Variants in DLG2 observed in about 807,000 individuals in gnomAD.
DLG2 encodes the protein disks large homolog 2.
DLG2 carries 45 observed loss-of-function variants against 132.5 expected under a neutral mutation model. That is an observed-to-expected ratio of 0.34 (90% CI 0.27 to 0.44). The LOEUF (loss-of-function observed/expected upper bound fraction) is 0.44, where lower values mean the gene tolerates loss of function less well. DLG2 is among the 20% of genes least tolerant of loss of function. The pLI is 1.00. For synonymous variants in DLG2, 424 were observed against 419.6 expected, an observed-to-expected ratio of 1.01 and a Z score of -0.13; for missense variants, 1,045 against 1,196.9, an observed-to-expected ratio of 0.87 and a Z score of 1.87.
At chr11:84,769,953 A>G (rs562789745) in intron 6 of DLG2, among the ~76,000 whole-genome samples, 2 of 152,234 alleles carry the variant, frequency 1.3e-5, no homozygotes, top group Admixed American at 6.5e-5. Flanking sequence ...GAGTAACATT[A>G]TAAGAGATCT....
intron 7 of DLG2, among the ~76,000 whole-genome samples, chr11:84,449,927 A>G (rs1452554968): frequency 6.6e-6 from 1 of 151,902 alleles, no homozygotes; most frequent in Non-Finnish European, 1.5e-5. Context: ...TGAAGTTACA[A>G]TTTTTAAGTA....
intron 6 of DLG2, among the ~76,000 whole-genome samples, chr11:85,096,260 T>A (rs1420174541): frequency 6.6e-6 from 1 of 152,110 alleles, no homozygotes; most frequent in Non-Finnish European, 1.5e-5. Flanking sequence ...TGTGGAAGCT[T>A]TGTTCTTTCG....
At chr11:83,977,358 A>T (rs1457500983) in intron 12 of DLG2, among the ~76,000 whole-genome samples, 1 of 151,996 alleles carries the variant, frequency 6.6e-6, no homozygotes, top group African/African-American at 2.4e-5. Context: ...AGCTATTAAG[A>T]GTTTCTAAAA....
chr11:83,661,343 ACT>A (rs2074221614), intron 18 of DLG2, among the ~76,000 whole-genome samples: 1 of 152,010 alleles, frequency 6.6e-6, no homozygotes, highest in Non-Finnish European at 1.5e-5. Context: ...ATGGAGACAA[ACT>A]CTGCATAGGA....
intron 16 of DLG2, among the ~76,000 whole-genome samples, chr11:83,871,972 T>G (rs1367748598): frequency 6.6e-6 from 1 of 152,040 alleles, no homozygotes; most frequent in East Asian, 1.9e-4. Context: ...TTTTTAAAAA[T>G]TGGTGAGTTT....
At chr11:83,960,873 G>T (rs538851247) in intron 14 of DLG2, among the ~76,000 whole-genome samples, 1 of 152,056 alleles carries the variant, frequency 6.6e-6, no homozygotes, top group African/African-American at 2.4e-5. Context: ...GTATGTGTAT[G>T]TTTATGTGTG....
At chr11:83,587,788 C>G (rs1031364032) in intron 19 of DLG2, among the ~76,000 whole-genome samples, 7 of 152,110 alleles carry the variant, frequency 4.6e-5, no homozygotes, top group African/African-American at 1.4e-4. Context: ...GTGCGCGCAC[C>G]GTGCGCGAGC....
intron 6 of DLG2, among the ~76,000 whole-genome samples, chr11:85,075,484 G>A (rs1413382014): frequency 6.6e-6 from 1 of 151,798 alleles, no homozygotes; most frequent in Non-Finnish European, 1.5e-5. Flanking sequence ...ATATAATGTG[G>A]TAAATCCAAA....
At chr11:84,508,219 T>C (rs529265400) in intron 7 of DLG2, among the ~76,000 whole-genome samples, 20 of 152,262 alleles carry the variant, frequency 1.3e-4, no homozygotes, top group Middle Eastern at 3.4e-3. Flanking sequence ...TCCTACTACT[T>C]TGTCTTCTTC....
intron 4 of DLG2, among the ~76,000 whole-genome samples, chr11:85,169,002 A>G (rs2078655424): frequency 6.6e-6 from 1 of 152,180 alleles, no homozygotes; most frequent in South Asian, 2.1e-4. Flanking sequence ...AGTTGGTTCC[A>G]GAAACCTTCA....
At chr11:84,323,237 C>T (rs1306263847) in intron 7 of DLG2, among the ~76,000 whole-genome samples, 1 of 152,122 alleles carries the variant, frequency 6.6e-6, no homozygotes, top group Non-Finnish European at 1.5e-5. Flanking sequence ...CACCATTCCA[C>T]TTTCTATTTC....
chr11:83,892,122 G>A (rs76684757), intron 15 of DLG2, among the ~76,000 whole-genome samples: 125 of 152,138 alleles, frequency 8.2e-4, no homozygotes, highest in African/African-American at 2.7e-3. Flanking sequence ...TATTCTTTTC[G>A]GTTGAATATG....
intron 6 of DLG2, among the ~76,000 whole-genome samples, chr11:84,646,666 A>G (rs1351628604): frequency 6.6e-6 from 1 of 151,998 alleles, no homozygotes; most frequent in African/African-American, 2.4e-5. Context: ...ACTTTGGTTC[A>G]AAAAATAACA....
intron 6 of DLG2, among the ~76,000 whole-genome samples, chr11:85,103,861 T>C (rs2071273775): frequency 6.6e-6 from 1 of 151,878 alleles, no homozygotes; most frequent in Non-Finnish European, 1.5e-5. Flanking sequence ...AAAGAACTCT[T>C]ACAACTCAAT....
chr11:84,028,089 T>C (rs2095590426), intron 11 of DLG2, among the ~76,000 whole-genome samples: 1 of 151,754 alleles, frequency 6.6e-6, no homozygotes, highest in African/African-American at 2.4e-5. Flanking sequence ...CACTGTATTC[T>C]AGAGAGAGCA....
chr11:85,250,669 T>C (rs1295854792), intron 4 of DLG2, among the ~76,000 whole-genome samples: 1 of 152,110 alleles, frequency 6.6e-6, no homozygotes, highest in Non-Finnish European at 1.5e-5. Context: ...TCATGGAGCA[T>C]ATAATTTAGT....
chr11:84,192,276 T>A (rs1761245051), intron 8 of DLG2, among the ~76,000 whole-genome samples: 2 of 152,170 alleles, frequency 1.3e-5, no homozygotes, highest in South Asian at 4.1e-4. Flanking sequence ...CTCCACATAA[T>A]GGTAAGATAA....
chr11:83,621,783 C>G (rs138232572), intron 19 of DLG2, among the ~76,000 whole-genome samples: 4 of 152,202 alleles, frequency 2.6e-5, no homozygotes, highest in African/African-American at 7.2e-5. Flanking sequence ...AATAATCATG[C>G]TTTTAGTTTT....
chr11:83,503,904 A>G (rs958090100), intron 21 of DLG2, among the ~76,000 whole-genome samples: 1 of 152,152 alleles, frequency 6.6e-6, no homozygotes, highest in African/African-American at 2.4e-5. Flanking sequence ...ATTATATATA[A>G]TCTTCAAATA....
Sources: gnomAD v4.1 joint callset for allele counts (sites outside exome capture counted in the v4.1 genomes callset) on GRCh38, gnomAD v4.1.1 for gene constraint, MANE v1.5 for transcripts, NCBI Gene and HGNC (gene_info 2026-07-23, HGNC 2026-07-21) for gene names.